The following HDAC4 variants were observed in gnomAD, a reference collection of about 807,000 sequenced individuals.
The protein encoded by HDAC4 is histone deacetylase A.
Under a neutral mutation model 135.1 loss-of-function variants are expected in HDAC4, and 16 were observed. That is an observed-to-expected ratio of 0.12 (90% CI 0.08 to 0.18). The LOEUF (loss-of-function observed/expected upper bound fraction) is 0.18, where lower values mean the gene tolerates loss of function less well. Among genes scored for constraint, HDAC4 ranks in the 10% least tolerant of loss-of-function variants. The pLI, the probability that HDAC4 is intolerant of heterozygous loss-of-function variation, is 1.00. For missense variants in HDAC4, 1,143 were observed against 1,511.8 expected, an observed-to-expected ratio of 0.76 and a Z score of 4.05; for synonymous variants, 685 against 653.4, an observed-to-expected ratio of 1.05 and a Z score of -0.74.
At chr2:239,246,217 C>G (rs1272392673) in intron 2 of HDAC4, among the ~76,000 whole-genome samples, 1 of 152,304 alleles carries the variant, frequency 6.6e-6, no homozygotes, top group African/African-American at 2.4e-5. Flanking sequence ...GGGAGGCAAA[C>G]GCGGGCAGGA....
At chr2:239,089,889 C>T (rs2036340726) in intron 18 of HDAC4, 120 bp downstream of exon 18, 2 of 775,466 alleles carry the variant, frequency 2.6e-6, no homozygotes, top group South Asian at 1.4e-5. Context: ...GGGTCCACGC[C>T]TCCCCATCAC....
chr2:239,296,349 G>C (rs1203669128), intron 2 of HDAC4, among the ~76,000 whole-genome samples: 1 of 152,264 alleles, frequency 6.6e-6, no homozygotes, highest in Non-Finnish European at 1.5e-5. Context: ...GGTCTCTGCA[G>C]ACAGTGGCAC....
intron 1 of HDAC4, among the ~76,000 whole-genome samples, chr2:239,371,081 G>A (rs1244080651): frequency 1.3e-5 from 2 of 152,206 alleles, no homozygotes; most frequent in Non-Finnish European, 2.9e-5. Flanking sequence ...GGCCCCAGCT[G>A]GGACAGGGAA....
chr2:239,104,954 C>T (rs372445096), intron 15 of HDAC4, among the ~76,000 whole-genome samples: 2 of 152,246 alleles, frequency 1.3e-5, no homozygotes, highest in Admixed American at 6.5e-5. Context: ...GACACCGCGA[C>T]GGCTGGGGCT....
intron 13 of HDAC4, 92 bp downstream of exon 13, chr2:239,114,961 G>A (rs1308623143): frequency 5.4e-6 from 8 of 1,480,542 alleles, no homozygotes; most frequent in Non-Finnish European, 7.4e-6. Context: ...AGGATGCCCT[G>A]CAGCCCCCGT....
At chr2:239,355,481 C>G (rs1214663377) in intron 1 of HDAC4, among the ~76,000 whole-genome samples, 4 of 152,236 alleles carry the variant, frequency 2.6e-5, no homozygotes, top group African/African-American at 9.6e-5. Context: ...AACCACTTCC[C>G]TTTAAACTCA....
intron 2 of HDAC4, among the ~76,000 whole-genome samples, chr2:239,314,900 T>C (rs892796920): frequency 2.6e-5 from 4 of 152,166 alleles, no homozygotes; most frequent in African/African-American, 9.7e-5. Flanking sequence ...GTTCAGGTCG[T>C]GATGGGGACG....
chr2:239,307,119 C>T lies in HDAC4; in HGVS notation c.22+45559G>A, dbSNP rs899609826. ...GCCCATCTCAGGCCACACCCTCCAG[C>T]TCTGTGCCTGCCGTCCATCCTGGGT... On this transcript the variant is annotated intron_variant, in intron 2 of 26. Coordinates refer to ENST00000543185, the MANE Select transcript of HDAC4 (RefSeq NM_001378414.1). This position sits in a 1 kb window ranked among gnomAD's most constrained non-coding sequence, Gnocchi z 4.8. Among the ~76,000 whole-genome samples, 1 of 152,122 alleles carries T rather than the reference C, an allele frequency of 6.6e-6. No homozygotes were observed.
At chr2:239,094,269 G>A in intron 17 of HDAC4, 1 of 985,480 alleles carries the variant, frequency 1.0e-6, no homozygotes, top group Non-Finnish European at 1.2e-6. Flanking sequence ...GCATCAAGGA[G>A]GTCAGGGGCC....
At chr2:239,361,712 A>G (rs1346603368) in intron 1 of HDAC4, among the ~76,000 whole-genome samples, 10 of 152,090 alleles carry the variant, frequency 6.6e-5, no homozygotes, top group Admixed American at 6.5e-4. Flanking sequence ...TGCCTGATAC[A>G]CCTCTCTTCT....
intron 2 of HDAC4, among the ~76,000 whole-genome samples, chr2:239,315,479 A>G (rs2053077666): frequency 6.6e-6 from 1 of 152,180 alleles, no homozygotes; most frequent in Non-Finnish European, 1.5e-5. Flanking sequence ...AAACATTCAA[A>G]ATGAAACCCA....
At chr2:239,198,071 C>T (rs553653977) in intron 3 of HDAC4, among the ~76,000 whole-genome samples, 1 of 152,218 alleles carries the variant, frequency 6.6e-6, no homozygotes, top group Admixed American at 6.5e-5. Flanking sequence ...GTCTCAAACT[C>T]CTGACCTCAG....
intron 6 of HDAC4, among the ~76,000 whole-genome samples, chr2:239,157,594 C>T (rs1367871484): frequency 5.9e-5 from 9 of 152,236 alleles, no homozygotes; most frequent in Admixed American, 4.6e-4. Flanking sequence ...ACGGCACTGA[C>T]AGCTCAGTCT....
chr2:239,273,576 C>T (rs903692599), intron 2 of HDAC4, among the ~76,000 whole-genome samples: 5 of 152,162 alleles, frequency 3.3e-5, no homozygotes, highest in African/African-American at 9.7e-5. Context: ...CTTCAGGACC[C>T]GCTCATCACC....
chr2:239,305,579 T>TG (rs1444249621), intron 2 of HDAC4: 1 of 152,738 alleles, frequency 6.5e-6, no homozygotes, highest in Non-Finnish European at 1.5e-5. Context: ...TTGTTGTATA[T>TG]TTTTTAAAAA....
rs138658683 is a variant in HDAC4, at chr2:239,351,378, G to A, written c.22+1300C>T. ...AAAATGGACAGAATGTAAAACACAGGGCCCTGCCTATAGAATTATACTCTA... is the reference window on the plus strand; with the variant it reads ...AAAATGGACAGAATGTAAAACACAGAGCCCTGCCTATAGAATTATACTCTA... On this transcript the variant is annotated intron_variant, in intron 2 of 26. Coordinates refer to ENST00000543185, the MANE Select transcript of HDAC4 (RefSeq NM_001378414.1). Among the ~76,000 whole-genome samples the A allele has an allele frequency of 5.0e-3, 758 of 152,162 alleles. 4 individuals carry two copies. Among genetic ancestry groups the A allele is most frequent in the Non-Finnish European group, 8.6e-3 (582 of 68,002 alleles).
In HDAC4 at chr2:239,099,772, C is replaced by T. The variant is rs142318838; in HGVS notation, c.2233+3004G>A. On this transcript the variant is annotated intron_variant, in intron 16 of 26. Transcript: ENST00000543185. The stretch of plus-strand genomic sequence containing the variant: ...CCCTTCCTAGGGGTAGCTGCATCAG[C>T]TTCTCCCTGCAGGGCGATCTCAGAC... 1.8e-3 allele frequency among the ~76,000 whole-genome samples: 270 copies of T among 152,364 alleles called. 2 individuals carry two copies. The highest frequency in any genetic ancestry group is 5.9e-3 in the African/African-American group (246 of 41,586).
rs1448279469 is a variant in HDAC4 at position 239,055,079 on chromosome 2, AAGAC to A, written c.3004-250_3004-247del. The A allele has an allele frequency of 1.4e-5, 6 of 436,136 alleles. No homozygotes were observed. The East Asian group carries it at 1.4e-4, about 10-fold the overall frequency. The allele number at this position is 436,136 out of a possible 1,614,324, so 27.0% of individuals were successfully genotyped here. A position where few individuals can be genotyped will look rare whatever the true frequency, so the allele number is the denominator to read the frequency against. On this transcript the variant is annotated intron_variant, in intron 24 of 26. Transcript: ENST00000543185. The stretch of plus-strand genomic sequence containing the variant: ...TGGGTTCCTACAAGTAGCAGGAAGA[AAGAC>A]AGTCCCCAGGAGTGGGGCTGGCACC...
chr2:239,362,134 C>T (rs889058844), intron 1 of HDAC4, among the ~76,000 whole-genome samples: 2 of 152,178 alleles, frequency 1.3e-5, no homozygotes, highest in Non-Finnish European at 2.9e-5. Context: ...AGCCACAGAG[C>T]CTGTGATTTT....
Sources: allele counts gnomAD v4.1 joint callset (sites outside exome capture counted in the v4.1 genomes callset), GRCh38; gene constraint gnomAD v4.1.1; non-coding constraint Gnocchi (gnomAD v3.1); transcripts MANE v1.5; gene names NCBI Gene and HGNC (gene_info 2026-07-23, HGNC 2026-07-21).